Variants in RBMS1 observed in about 807,000 individuals in gnomAD.
The protein encoded by RBMS1 is RNA binding motif single stranded interacting protein 1, also known as RNA-binding motif, single-stranded-interacting protein 1.
A neutral mutation model predicts 62.3 loss-of-function variants in RBMS1; 17 were observed. The ratio of observed to expected loss-of-function variants is 0.27; its 90% CI spans 0.19 to 0.41. The LOEUF is 0.41. Among genes scored for constraint, RBMS1 ranks in the 10% least tolerant of loss-of-function variants. RBMS1 has a pLI of 1.00. For synonymous variants in RBMS1, 172 were observed against 170.0 expected (o/e 1.01, Z -0.09); for missense variants, 334 against 504.5 (o/e 0.66, Z 3.24).
chr2:160,325,309 T>C (rs1690861169), intron 2 of RBMS1, among the ~76,000 whole-genome samples: 1 of 152,140 alleles, frequency 6.6e-6, no homozygotes, highest in South Asian at 2.1e-4. Flanking sequence ...TCTGGATACA[T>C]GACATTGGTC....
intron 1 of RBMS1, among the ~76,000 whole-genome samples, chr2:160,378,538 G>A (rs1233424085): frequency 2.0e-5 from 3 of 151,972 alleles, no homozygotes; most frequent in Non-Finnish European, 4.4e-5. Flanking sequence ...ACTTGAGCCG[G>A]GAGGTCAAGG....
intron 4 of RBMS1, among the ~76,000 whole-genome samples, 192 bp from the exon 5 acceptor site, chr2:160,303,679 G>T (rs986344187): frequency 6.6e-6 from 1 of 152,148 alleles, no homozygotes; most frequent in African/African-American, 2.4e-5. Context: ...GGCCAGACAC[G>T]ATCCCACCAA....
intron 2 of RBMS1, among the ~76,000 whole-genome samples, chr2:160,332,858 T>G (rs1257491821): frequency 6.7e-6 from 1 of 149,708 alleles, no homozygotes; most frequent in South Asian, 2.1e-4. Flanking sequence ...GTATGTTTTT[T>G]ATACATATAT....
At chr2:160,332,995 A>G (rs1329083875) in intron 2 of RBMS1, among the ~76,000 whole-genome samples, 1 of 151,958 alleles carries the variant, frequency 6.6e-6, no homozygotes, top group African/African-American at 2.4e-5. Flanking sequence ...CATACATAAA[A>G]TAAGTATAAA....
intron 2 of RBMS1, among the ~76,000 whole-genome samples, chr2:160,357,898 G>A (rs939396618): frequency 6.6e-6 from 1 of 152,064 alleles, no homozygotes; most frequent in Non-Finnish European, 1.5e-5. Flanking sequence ...TATTTCATGG[G>A]ATTTTCTTTT....
At chr2:160,472,786 T>A (rs529161829) in intron 1 of RBMS1, among the ~76,000 whole-genome samples, 11 of 152,326 alleles carry the variant, frequency 7.2e-5, no homozygotes, top group Admixed American at 5.2e-4. Context: ...CATTCAGTGA[T>A]CCTTTTATTA....
At chr2:160,448,248 C>T (rs1683749249) in intron 1 of RBMS1, among the ~76,000 whole-genome samples, 1 of 152,022 alleles carries the variant, frequency 6.6e-6, no homozygotes, top group Non-Finnish European at 1.5e-5. Flanking sequence ...GTAGAAATCA[C>T]CTGACTACTT....
chr2:160,309,535 A>T (rs1376547886), intron 4 of RBMS1, among the ~76,000 whole-genome samples: 1 of 152,144 alleles, frequency 6.6e-6, no homozygotes, highest in African/African-American at 2.4e-5. Context: ...TTCCAGCAGA[A>T]AGGGGCTGAA....
chr2:160,459,619 A>G (rs755172870), intron 1 of RBMS1, among the ~76,000 whole-genome samples: 3 of 152,186 alleles, frequency 2.0e-5, no homozygotes, highest in Non-Finnish European at 2.9e-5. Flanking sequence ...GACCAAAATC[A>G]TGTATTATTT....
chr2:160,482,836 C>CAG (rs1217873749), intron 1 of RBMS1, among the ~76,000 whole-genome samples: 1 of 152,180 alleles, frequency 6.6e-6, no homozygotes, highest in Non-Finnish European at 1.5e-5. Flanking sequence ...CCCTAGAAAG[C>CAG]AGATGCTCAT....
chr2:160,465,141 G>C (rs1020429238), intron 1 of RBMS1, among the ~76,000 whole-genome samples: 2 of 152,194 alleles, frequency 1.3e-5, no homozygotes, highest in Admixed American at 6.5e-5. Flanking sequence ...GTTTTCCAAA[G>C]AGACAGATTA....
intron 2 of RBMS1, among the ~76,000 whole-genome samples, chr2:160,323,519 T>C (rs1234241226): frequency 6.8e-6 from 1 of 147,322 alleles, no homozygotes; most frequent in African/African-American, 2.5e-5. Flanking sequence ...TATGATGTAC[T>C]AGGAGAAACA....
intron 1 of RBMS1, among the ~76,000 whole-genome samples, chr2:160,466,570 A>G (rs1684700976): frequency 6.6e-6 from 1 of 152,198 alleles, no homozygotes; most frequent in East Asian, 1.9e-4. Context: ...GCCAACATGT[A>G]CACAACACAC....
chr2:160,329,522 G>A (rs990613053), intron 2 of RBMS1, among the ~76,000 whole-genome samples: 2 of 152,066 alleles, frequency 1.3e-5, no homozygotes, highest in Admixed American at 1.3e-4. Context: ...AGGATAGTAC[G>A]GCTCCAAAAA....
chr2:160,367,083 C>A (rs1225424882), intron 2 of RBMS1, 133 bp downstream of exon 2: 1 of 830,704 alleles, frequency 1.2e-6, no homozygotes, highest in Admixed American at 3.1e-5. Context: ...ACTTGAAACC[C>A]ATTTTATTGT....
intron 2 of RBMS1, among the ~76,000 whole-genome samples, chr2:160,360,009 C>G (rs6711713): frequency 0.011 from 1,707 of 152,136 alleles, 40 homozygotes; most frequent in African/African-American, 0.037. Flanking sequence ...ATCGCTTGAA[C>G]CCGGGAGACA....
At chr2:160,481,075 C>T (rs1685349193) in intron 1 of RBMS1, among the ~76,000 whole-genome samples, 1 of 99,966 alleles carries the variant, frequency 1.0e-5, no homozygotes, top group South Asian at 3.4e-4. Flanking sequence ...AGTGAGACTG[C>T]CTTAAAAAAA....
At chr2:160,291,632 C>G (rs1240220546) in intron 6 of RBMS1, among the ~76,000 whole-genome samples, 28 of 152,258 alleles carry the variant, frequency 1.8e-4, no homozygotes, top group Admixed American at 1.6e-3. Context: ...CTCCTCCTCC[C>G]CTGTGCCTTA....
At chr2:160,391,873 G>C (rs1573988579) in intron 1 of RBMS1, among the ~76,000 whole-genome samples, 1 of 152,042 alleles carries the variant, frequency 6.6e-6, no homozygotes, top group Non-Finnish European at 1.5e-5. Flanking sequence ...AGCTACTCGG[G>C]AGGCTGAGGC....
Sources: allele counts gnomAD v4.1 joint callset (sites outside exome capture counted in the v4.1 genomes callset), GRCh38; gene constraint gnomAD v4.1.1; transcripts MANE v1.5; gene names NCBI Gene and HGNC (gene_info 2026-07-23, HGNC 2026-07-21).